Variants in EIF2S3 observed in about 807,000 individuals in gnomAD.
EIF2S3 encodes eukaryotic translation initiation factor 2 subunit gamma, also known as eukaryotic translation initiation factor 2 subunit 3.
Under a neutral mutation model 31.7 loss-of-function variants are expected in EIF2S3, and 2 were observed. The observed-to-expected ratio is 0.06, with a 90% confidence interval of 0.03 to 0.20. EIF2S3 has a LOEUF of 0.20. Among genes scored for constraint, EIF2S3 ranks in the 10% least tolerant of loss-of-function variants. EIF2S3 has a pLI of 1.00. For missense variants in EIF2S3, 96 were observed against 359.3 expected, an observed-to-expected ratio of 0.27 and a Z score of 5.92; for synonymous variants, 120 against 126.7, an observed-to-expected ratio of 0.95 and a Z score of 0.36.
intron 8 of EIF2S3, among the ~76,000 whole-genome samples, chrX:24,067,109 T>C (rs887883900): frequency 1.6e-4 from 18 of 110,628 alleles, no homozygotes; most frequent in African/African-American, 5.6e-4. Context: ...GGCATGATCT[T>C]GACTCACTGC....
intron 6 of EIF2S3, among the ~76,000 whole-genome samples, chrX:24,062,887 C>A (rs1276291788): frequency 9.0e-6 from 1 of 111,337 alleles, no homozygotes; most frequent in African/African-American, 3.3e-5. Context: ...TTTAAAAAAC[C>A]TTGTCTTACA....
chrX:24,075,531 A>G (rs1030266456), intron 11 of EIF2S3, among the ~76,000 whole-genome samples: 1 of 111,599 alleles, frequency 9.0e-6, no homozygotes, highest in Non-Finnish European at 1.9e-5. Context: ...AGTCTTCTTA[A>G]AACATTTTCA....
intron 9 of EIF2S3, among the ~76,000 whole-genome samples, chrX:24,070,679 C>T (rs1930656737): frequency 9.0e-6 from 1 of 110,526 alleles, no homozygotes. Flanking sequence ...TTAGGTAATC[C>T]TCCAACTTGG....
chrX:24,078,195 T>G lies in EIF2S3; in HGVS notation c.*1410T>G, dbSNP rs1222511082. Among the ~76,000 whole-genome samples the G allele has an allele frequency of 9.0e-6, 1 of 110,840 alleles. No individual in the cohort carries two copies. Among genetic ancestry groups the G allele is most frequent in the Non-Finnish European group, 1.9e-5 (1 of 52,953 alleles). On this transcript the variant is annotated 3_prime_UTR_variant, in exon 12 of 12. Transcript: ENST00000253039. Reference sequence around the variant, plus strand: ...CACTTGCCACCATACCCGGCTAATTTTTGTATTTTTAGTAGAGATGGGGTT... The same window carrying G: ...CACTTGCCACCATACCCGGCTAATTGTTGTATTTTTAGTAGAGATGGGGTT...
intron 4 of EIF2S3, among the ~76,000 whole-genome samples, chrX:24,059,271 T>C (rs1389233904): frequency 2.7e-5 from 3 of 112,017 alleles, no homozygotes; most frequent in Non-Finnish European, 5.6e-5. Flanking sequence ...GACCTCTGTT[T>C]TAGATCATGA....
chrX:24,065,471 T>C (rs540505902), intron 7 of EIF2S3, among the ~76,000 whole-genome samples: 2 of 110,565 alleles, frequency 1.8e-5, no homozygotes, highest in Admixed American at 9.8e-5. Flanking sequence ...AAATAAAATA[T>C]TACAGCTGGG....
chrX:24,057,337 GTT>G, intron 2 of EIF2S3, 82 bp from the exon 3 acceptor site: 1 of 1,113,521 alleles, frequency 9.0e-7, no homozygotes. Context: ...CTGGCTTTGG[GTT>G]TTCTACTCTT....
chrX:24,076,990 A>G lies in EIF2S3; in HGVS notation c.*205A>G, dbSNP rs747020844. ...GACTAAAATTAATATAAAAATTGGCATAATGTTGGATTGAATCTACATTTT... is the reference window on the plus strand; with the variant it reads ...GACTAAAATTAATATAAAAATTGGCGTAATGTTGGATTGAATCTACATTTT... On this transcript the variant is annotated 3_prime_UTR_variant, in exon 12 of 12. Coordinates refer to ENST00000253039, the MANE Select transcript of EIF2S3 (RefSeq NM_001415.4). The G allele has an allele frequency of 1.1e-4, 34 of 307,336 alleles. No individual in the cohort carries two copies. The highest frequency in any genetic ancestry group is 1.5e-4 in the Non-Finnish European group (27 of 185,660). The allele number at this position is 307,336 out of a possible 1,213,427, so 25.3% of individuals were successfully genotyped here. A position where few individuals can be genotyped will look rare whatever the true frequency, so the allele number is the denominator to read the frequency against.
intron 4 of EIF2S3, among the ~76,000 whole-genome samples, chrX:24,059,190 A>G (rs1259385179): frequency 1.3e-4 from 15 of 112,173 alleles, no homozygotes; most frequent in Non-Finnish European, 7.5e-5. Context: ...CTGTTCTTCT[A>G]TTACAGAAGC....
intron 9 of EIF2S3, among the ~76,000 whole-genome samples, chrX:24,071,255 A>T (rs1394285523): frequency 9.3e-6 from 1 of 107,229 alleles, no homozygotes; most frequent in African/African-American, 3.4e-5. Flanking sequence ...CAGTGGTGCG[A>T]TCTCGGCTCA....
chrX:24,060,531 C>T (rs943162384), intron 5 of EIF2S3: 1 of 222,272 alleles, frequency 4.5e-6, no homozygotes, highest in Non-Finnish European at 8.2e-6. Context: ...TATGTCTGAA[C>T]TGTCTACTGT....
At chrX:24,071,375 G>C (rs1229626639) in intron 9 of EIF2S3, among the ~76,000 whole-genome samples, 183 bp from the exon 10 acceptor site, 1 of 110,247 alleles carries the variant, frequency 9.1e-6, no homozygotes, top group Non-Finnish European at 1.9e-5. Context: ...TATTTTAATA[G>C]AGACAGGGTT....
At chrX:24,071,425 A>G in intron 9 of EIF2S3, 133 bp from the exon 10 acceptor site, 3 of 602,264 alleles carry the variant, frequency 5.0e-6, no homozygotes, top group South Asian at 3.5e-5. Flanking sequence ...TCCTGAGCTC[A>G]GGCATCCACC....
chrX:24,054,957 T>G lies in EIF2S3; in HGVS notation c.-12T>G. 2.5e-6 allele frequency: 3 copies of G among 1,211,360 alleles called. No homozygotes were observed. The South Asian group carries it at 5.3e-5, about 21-fold the overall frequency. On this transcript the variant is annotated 5_prime_UTR_variant, in exon 1 of 12. Transcript: ENST00000253039. Reference sequence around the variant, plus strand: ...GCGGCAGCCGGGGTGATTTCCTTCCTCTTTTGGCAACATGGCGGGCGGAGA... The same window carrying G: ...GCGGCAGCCGGGGTGATTTCCTTCCGCTTTTGGCAACATGGCGGGCGGAGA...
intron 4 of EIF2S3, among the ~76,000 whole-genome samples, chrX:24,059,000 C>T (rs780181624): frequency 1.8e-5 from 2 of 112,419 alleles, no homozygotes; most frequent in African/African-American, 3.2e-5. Context: ...GCTGGGATTA[C>T]AGGCATGAGC....
chrX:24,064,350 T>A lies in EIF2S3; in HGVS notation c.772+15T>A. On this transcript the variant is annotated intron_variant, in intron 7 of 11. Transcript: ENST00000253039. Reference sequence around the variant, plus strand: ...CCGGCTTATTGGTAAGTGATAGGATTTGCCTTTAACTCTTAATCTGATCTT... The same window carrying A: ...CCGGCTTATTGGTAAGTGATAGGATATGCCTTTAACTCTTAATCTGATCTT... 3 of 1,155,208 alleles carry A rather than the reference T, an allele frequency of 2.6e-6. No individual in the cohort carries two copies. Among genetic ancestry groups the A allele is most frequent in the Non-Finnish European group, 3.4e-6 (3 of 871,499 alleles).
chrX:24,066,519 TTTTC>T (rs1171759139), intron 8 of EIF2S3, among the ~76,000 whole-genome samples: 8 of 59,190 alleles, frequency 1.4e-4, no homozygotes, highest in African/African-American at 4.7e-4. Flanking sequence ...ATTGCTTTTC[TTTTC>T]TTTTTTTTTT....
intron 11 of EIF2S3, among the ~76,000 whole-genome samples, chrX:24,075,424 A>G (rs1404424968): frequency 9.0e-6 from 1 of 110,700 alleles, no homozygotes; most frequent in Non-Finnish European, 1.9e-5. Context: ...CTTGCTTTCC[A>G]TTCCTCGTCA....
chrX:24,076,924 C>CTATTTT lies in EIF2S3; in HGVS notation c.*140_*141insATTTTT. ...CTTAGTAGGTAACGGTAAGGTTATT[C>CTATTTT]TCTTTTTTTTTTTTTTTTTTTTTGG... On this transcript the variant is annotated 3_prime_UTR_variant, in exon 12 of 12. Coordinates refer to ENST00000253039, the MANE Select transcript of EIF2S3 (RefSeq NM_001415.4). The CTATTTT allele has an allele frequency of 8.5e-6, 1 of 117,436 alleles. No individual in the cohort carries two copies. The highest frequency in any genetic ancestry group is 9.1e-5 in the African/African-American group (1 of 10,996). The allele number at this position is 117,436 out of a possible 1,213,427, so 9.7% of individuals were successfully genotyped here.
Sources: allele counts gnomAD v4.1 joint callset (sites outside exome capture counted in the v4.1 genomes callset), GRCh38; gene constraint gnomAD v4.1.1; transcripts MANE v1.5; gene names NCBI Gene and HGNC (gene_info 2026-07-23, HGNC 2026-07-21).